Variants in ITGA2B observed in about 807,000 individuals in gnomAD.
ITGA2B encodes the protein integrin subunit alpha 2b, also known as integrin alpha-IIb.
In ITGA2B, 91 loss-of-function variants were observed where a neutral mutation model predicts 142.0. The observed-to-expected ratio is 0.64, with a 90% CI of 0.54 to 0.76. The LOEUF (loss-of-function observed/expected upper bound fraction) is 0.76, where lower values mean the gene tolerates loss of function less well. Ranked by LOEUF, ITGA2B falls within the 30% of genes least tolerant of loss-of-function variation. The probability of loss-of-function intolerance (pLI) is 0.00; values close to 1 mark genes in which losing one functional copy is unlikely to be tolerated. For missense variants in ITGA2B, 1,231 were observed against 1,350.8 expected (o/e 0.91, Z 1.39); for synonymous variants, 536 against 567.2 (o/e 0.94, Z 0.78).
chr17:44,384,877 G>T, intron 7 of ITGA2B, 71 bp downstream of exon 7: 1 of 1,610,136 alleles, frequency 6.2e-7, no homozygotes, highest in East Asian at 2.2e-5. Flanking sequence ...GGCTCCCACA[G>T]GGGCAGGACC....
intron 18 of ITGA2B, 125 bp from the exon 19 acceptor site, chr17:44,378,835 G>T: frequency 1.2e-6 from 1 of 801,054 alleles, no homozygotes; most frequent in Non-Finnish European, 2.1e-6. Flanking sequence ...AAGATCTGAG[G>T]ACGAAAAGGA....
rs2048527380 is a variant in ITGA2B, at chr17:44,374,995, C to A, written c.2841+3G>T. 6.5e-7 allele frequency: 1 copy of A among 1,538,796 alleles called. No homozygotes were observed. Among genetic ancestry groups the A allele is most frequent in the Non-Finnish European group, 8.7e-7 (1 of 1,145,208 alleles). On this transcript the variant is annotated splice_donor_region_variant and intron_variant, in intron 27 of 29. Transcript: ENST00000262407. The stretch of plus-strand genomic sequence containing the variant: ...GGCCCCGCCCCACCACGGCCCACCC[C>A]ACCTGGTAGAGGCTGGGCAGCCACA...
chr17:44,375,338 G>C (rs974789703), intron 26 of ITGA2B: 6 of 633,980 alleles, frequency 9.5e-6, no homozygotes, highest in Non-Finnish European at 1.4e-5. Flanking sequence ...ACAATGCTCA[G>C]ATCTATGATA....
In ITGA2B at chr17:44,372,843, A is replaced by T. The variant is rs140883848; in HGVS notation, c.3061-420T>A. ...ACCCTGTTGGCCGGGCTGGTCTCAA[A>T]CTCCTGACCTCAGGTGATCTGCCTG... On this transcript the variant is annotated intron_variant, in intron 29 of 29. Coordinates refer to ENST00000262407, the MANE Select transcript of ITGA2B (RefSeq NM_000419.5). Among the ~76,000 whole-genome samples, 924 of 151,286 alleles carry T rather than the reference A, an allele frequency of 6.1e-3. 10 individuals are homozygous for T. Among genetic ancestry groups the T allele is most frequent in the African/African-American group, 0.021 (882 of 41,216 alleles).
In ITGA2B at chr17:44,380,266, T is replaced by A; in HGVS notation, c.1580A>T (p.His527Leu). 1 of 1,614,212 alleles carries A rather than the reference T, an allele frequency of 6.2e-7. No individual in the cohort carries two copies. The highest frequency in any genetic ancestry group is 8.5e-7 in the Non-Finnish European group (1 of 1,180,042). The change falls in exon 16 of 30, where the codon CAC becomes CTC. Residue 527 changes from histidine (H) to leucine (L), a missense_variant. Coordinates refer to ENST00000262407, the MANE Select transcript of ITGA2B (RefSeq NM_000419.5). Reference protein sequence around the residue: ...NIQMCVGATGHNIPQKLSLNA... With the variant: ...NIQMCVGATGLNIPQKLSLNA... ...CTCACATAGCTTCTGAGGAATGTTG[T>A]GCCCAGTGGCTCCAACACACATCTG...
chr17:44,374,411 C>T lies in ITGA2B; in HGVS notation c.3003G>A (p.Leu1001=), dbSNP rs747333772. The T allele has an allele frequency of 1.9e-6, 3 of 1,614,008 alleles. No individual in the cohort carries two copies. The highest frequency in any genetic ancestry group is 2.2e-5 in the South Asian group (2 of 91,062). Residue 1001 remains leucine, a synonymous_variant, in exon 29 of 30, where the codon CTG becomes CTA. Coordinates refer to ENST00000262407, the MANE Select transcript of ITGA2B (RefSeq NM_000419.5). The part of the protein sequence containing the change: ...EERAIPIWWV[L]VGVLGGLLLL... Reference sequence around the variant, plus strand: ...GCAGCAGGCCACCCAGCACACCCACCAGCACCCACCAGATTGGAATGGCCC... The same window carrying T: ...GCAGCAGGCCACCCAGCACACCCACTAGCACCCACCAGATTGGAATGGCCC...
intron 11 of ITGA2B, 45 bp downstream of exon 11, chr17:44,383,849 A>G: frequency 6.2e-7 from 1 of 1,608,548 alleles, no homozygotes; most frequent in Non-Finnish European, 8.5e-7. Flanking sequence ...CAGCTCTGGT[A>G]ATTTGGGACC....
In ITGA2B at chr17:44,379,669, C is replaced by G. The variant is rs769972020; in HGVS notation, c.1878+20G>C. 6.2e-7 allele frequency: 1 copy of G among 1,613,844 alleles called. No homozygotes were observed. Among genetic ancestry groups the G allele is most frequent in the Non-Finnish European group, 8.5e-7 (1 of 1,180,034 alleles). On this transcript the variant is annotated intron_variant, in intron 18 of 29. Transcript: ENST00000262407. Reference sequence around the variant, plus strand: ...ATCAGGGGTCCTGCACCTCCCTGGCCTGTCCCTGCCTGTCCCTACCTGCTC... The same window carrying G: ...ATCAGGGGTCCTGCACCTCCCTGGCGTGTCCCTGCCTGTCCCTACCTGCTC...
chr17:44,376,136 C>T lies in ITGA2B; in HGVS notation c.2397G>A (p.Arg799=). Residue 799 remains arginine, a synonymous_variant, in exon 24 of 30, where the codon AGG becomes AGA. Transcript: ENST00000262407. ...CCCAGCTGTCCAAGCTGTTCTGCTC[C>T]CTCTCACCTTCTTCTGCTGCCACCA... The part of the protein sequence containing the change: ...SLVVAAEEGE[R]EQNSLDSWGP... The T allele has an allele frequency of 6.2e-7, 1 of 1,614,152 alleles. No homozygotes were observed.
chr17:44,388,492 G>A (rs1210134191), intron 1 of ITGA2B, among the ~76,000 whole-genome samples: 11 of 151,142 alleles, frequency 7.3e-5, no homozygotes, highest in Admixed American at 4.0e-4. Context: ...GAGTAGCTGG[G>A]ATTACAAGCA....
At chr17:44,388,007 G>A (rs933331889) in intron 1 of ITGA2B, among the ~76,000 whole-genome samples, 1 of 152,066 alleles carries the variant, frequency 6.6e-6, no homozygotes, top group Non-Finnish European at 1.5e-5. Context: ...GACTTGGAGT[G>A]AACTGGCTCT....
chr17:44,383,320 C>T (rs975403869), intron 12 of ITGA2B, among the ~76,000 whole-genome samples, 173 bp downstream of exon 12: 16 of 152,204 alleles, frequency 1.1e-4, no homozygotes, highest in African/African-American at 3.4e-4. Context: ...GCAAACACTT[C>T]CTAATTAGTC....
intron 7 of ITGA2B, 152 bp downstream of exon 7, chr17:44,384,796 G>T: frequency 7.2e-7 from 1 of 1,379,832 alleles, no homozygotes; most frequent in Non-Finnish European, 1.0e-6. Context: ...TGGGCGGTCT[G>T]CGGGGAAGCC....
At position 44,384,085 on chromosome 17, in the gene ITGA2B, C is replaced by T. The variant is rs1367439082; in HGVS notation, c.945G>A (p.Gln315=). ...YQRLHRLRGE[Q]MASYFGHSVA... is the part of the protein sequence containing the mutation. Reference sequence around the variant, plus strand: ...ACGCCCACTGGGACCTGGCCCCCACCTGCTCTCCGCGCAGCCGATGCAGCC... The same window carrying T: ...ACGCCCACTGGGACCTGGCCCCCACTTGCTCTCCGCGCAGCCGATGCAGCC... Residue 315 remains glutamine (Q), a splice_region_variant and synonymous_variant, in exon 10 of 30, where the codon CAG becomes CAA. Coordinates refer to ENST00000262407, the MANE Select transcript of ITGA2B (RefSeq NM_000419.5). The T allele has an allele frequency of 1.2e-6, 2 of 1,613,732 alleles. No homozygotes were observed. The highest frequency in any genetic ancestry group is 3.3e-5 in the Admixed American group (2 of 60,028).
chr17:44,378,319 G>T, intron 20 of ITGA2B, 43 bp downstream of exon 20: 1 of 1,587,780 alleles, frequency 6.3e-7, no homozygotes, highest in South Asian at 1.1e-5. Flanking sequence ...AGGCTCCAGT[G>T]CCTCCCAGGT....
Position 44,380,321 on chromosome 17 carries a change from G to A in ITGA2B, c.1545-20C>T, listed in dbSNP as rs557669076. 11 of 1,614,214 alleles carry A rather than the reference G, an allele frequency of 6.8e-6. No homozygotes were observed. In the East Asian group the frequency reaches 2.2e-4, roughly 33 times the overall value. ...TTGAAGCTGCAAAGACGTAAGTGGG[G>A]CTCAGGGGTTGGAGCCTTTCTGAGG... On this transcript the variant is annotated intron_variant, in intron 15 of 29. Transcript: ENST00000262407.
rs762055902 is a variant in ITGA2B, at chr17:44,380,288, T to C, written c.1558A>G (p.Met520Val). ...TTGTGCCCAGTGGCTCCAACACACA[T>C]CTGGATGTTGAAGCTGCAAAGACGT... is the stretch of plus-strand genomic sequence containing the variant. The part of the protein sequence containing the change: ...KTPVSCFNIQ[M>V]CVGATGHNIP... The change falls in exon 16 of 30, where the codon ATG becomes GTG. Residue 520 changes from methionine to valine, a missense_variant. Around this residue, in one of 3 missense-constraint regions of ITGA2B, gnomAD observed 908 missense variants for 1,021.1 expected, o/e 0.89. Transcript: ENST00000262407. 6.2e-7 allele frequency: 1 copy of C among 1,614,144 alleles called. No individual in the cohort carries two copies. The highest frequency in any genetic ancestry group is 1.1e-5 in the South Asian group (1 of 91,092).
In ITGA2B at chr17:44,377,128, C is replaced by G. The variant is rs376755865; in HGVS notation, c.2188-40G>C. The G allele has an allele frequency of 1.7e-5, 24 of 1,441,802 alleles. No individual in the cohort carries two copies. The African/African-American group carries it at 2.8e-4, about 17-fold the overall frequency. 89.3% of individuals were successfully genotyped at this position (1,441,802 alleles called of 1,614,324 possible). A position where few individuals can be genotyped will look rare whatever the true frequency, so the allele number is the denominator to read the frequency against. On this transcript the variant is annotated intron_variant, in intron 21 of 29. Coordinates refer to ENST00000262407, the MANE Select transcript of ITGA2B (RefSeq NM_000419.5). Reference sequence around the variant, plus strand: ...GGGCCAAGGTCACTGCCCAAGTGCCCCACTTAGGACAGCCCTGCCCTGAAT... The same window carrying G: ...GGGCCAAGGTCACTGCCCAAGTGCCGCACTTAGGACAGCCCTGCCCTGAAT...
Position 44,378,649 on chromosome 17 carries a change from G to A in ITGA2B, c.1940C>T (p.Ala647Val). The A allele has an allele frequency of 6.4e-7, 1 of 1,565,060 alleles. No individual in the cohort carries two copies. Among genetic ancestry groups the A allele is most frequent in the Non-Finnish European group, 8.7e-7 (1 of 1,154,278 alleles). Residue 647 changes from alanine to valine, a missense_variant, in exon 19 of 30, where the codon GCC (alanine) becomes GTC (valine). Physicochemically the swap from Ala to Val is moderately conservative, Grantham distance 64. Transcript: ENST00000262407. Reference protein sequence around the residue: ...DVCVPQLQLTASVTGSPLLVG... With the variant: ...DVCVPQLQLTVSVTGSPLLVG... Reference sequence around the variant, plus strand: ...GAATGGGAGGCCTCCTCACACGCTGGCAGTGAGCTGAAGCTGGGGCACACA... The same window carrying A: ...GAATGGGAGGCCTCCTCACACGCTGACAGTGAGCTGAAGCTGGGGCACACA...
Sources: allele counts gnomAD v4.1 joint callset (sites outside exome capture counted in the v4.1 genomes callset), GRCh38; gene constraint gnomAD v4.1.1; regional missense constraint gnomAD v4.1.1; transcripts MANE v1.5; gene names NCBI Gene and HGNC (gene_info 2026-07-23, HGNC 2026-07-21).